Variants in LRRTM4 observed in about 807,000 individuals in gnomAD.
LRRTM4 encodes leucine-rich repeat transmembrane neuronal protein 4.
LRRTM4 carries 25 observed loss-of-function variants against 47.6 expected under a neutral mutation model. The observed-to-expected ratio is 0.53, with a 90% CI of 0.38 to 0.73. The LOEUF (loss-of-function observed/expected upper bound fraction) is 0.73. LRRTM4 is among the 30% of genes least tolerant of loss of function. The pLI is 0.00. For missense variants in LRRTM4, 638 were observed against 713.4 expected (o/e 0.89, Z 1.20); for synonymous variants, 311 against 269.5 (o/e 1.15, Z -1.51).
intron 3 of LRRTM4, among the ~76,000 whole-genome samples, chr2:77,357,052 A>G (rs1671994991): frequency 6.6e-6 from 1 of 152,184 alleles, no homozygotes; most frequent in South Asian, 2.1e-4. Context: ...CCTAGATACT[A>G]TACTTTACAT....
At chr2:77,224,133 G>C (rs1388241786) in intron 3 of LRRTM4, among the ~76,000 whole-genome samples, 1 of 151,502 alleles carries the variant, frequency 6.6e-6, no homozygotes, top group African/African-American at 2.4e-5. Context: ...TTAATAAATG[G>C]TGCTGGGAAA....
At position 77,107,795 on chromosome 2, in the gene LRRTM4, G is replaced by T. The variant is rs190695080; in HGVS notation, c.1552-358879C>A. Among the ~76,000 whole-genome samples, 356 of 123,434 alleles carry T rather than the reference G, an allele frequency of 2.9e-3. 4 individuals carry two copies. Among genetic ancestry groups the T allele is most frequent in the Middle Eastern group, 0.011 (2 of 184 alleles). 81.0% of individuals were successfully genotyped at this position (123,434 alleles called of 152,430 possible). ...ATCACACAGTTGCACTCCAGTCTGG[G>T]CAACAAGAGTGAAAATCCAACTCAA... is the stretch of plus-strand genomic sequence containing the variant. On this transcript the variant is annotated intron_variant, in intron 3 of 3. Coordinates refer to ENST00000409884, the MANE Select transcript of LRRTM4 (RefSeq NM_001134745.3).
chr2:76,811,955 T>C (rs1286003440), intron 3 of LRRTM4, among the ~76,000 whole-genome samples: 1 of 152,232 alleles, frequency 6.6e-6, no homozygotes. Context: ...TTTACTTTTC[T>C]TATGTTAAGC....
chr2:77,137,738 C>G (rs150486197), intron 3 of LRRTM4, among the ~76,000 whole-genome samples: 3 of 152,024 alleles, frequency 2.0e-5, no homozygotes, highest in Non-Finnish European at 4.4e-5. Context: ...CCATGTCACA[C>G]GCAGGGACAC....
At chr2:76,958,936 T>C in intron 3 of LRRTM4, among the ~76,000 whole-genome samples, 1 of 151,662 alleles carries the variant, frequency 6.6e-6, no homozygotes, top group African/African-American at 2.4e-5. Context: ...AAAACGCTTG[T>C]GTAGAGCTTG....
intron 3 of LRRTM4, among the ~76,000 whole-genome samples, chr2:77,327,381 GGGCATAGAGTTCA>G (rs1670816159): frequency 6.6e-6 from 1 of 152,112 alleles, no homozygotes; most frequent in Admixed American, 6.5e-5. Flanking sequence ...CCACTTACGT[GGGCATAGAGTTCA>G]GTTTTTACAG....
chr2:76,898,654 T>C (rs1673507461), intron 3 of LRRTM4, among the ~76,000 whole-genome samples: 4 of 149,516 alleles, frequency 2.7e-5, no homozygotes, highest in Non-Finnish European at 5.9e-5. Context: ...ATTAATGTTT[T>C]TATTTTTCAC....
intron 3 of LRRTM4, among the ~76,000 whole-genome samples, chr2:77,268,206 T>G (rs1441768033): frequency 6.6e-6 from 1 of 152,138 alleles, no homozygotes; most frequent in Non-Finnish European, 1.5e-5. Context: ...CCACTAGACA[T>G]GTGCAGTAAA....
chr2:77,503,730 A>G (rs1180287334), intron 3 of LRRTM4, among the ~76,000 whole-genome samples: 1 of 151,668 alleles, frequency 6.6e-6, no homozygotes, highest in Non-Finnish European at 1.5e-5. Flanking sequence ...TTGAGCTTAC[A>G]AAGATATGGA....
chr2:76,864,216 C>T (rs1276456964), intron 3 of LRRTM4, among the ~76,000 whole-genome samples: 1 of 152,074 alleles, frequency 6.6e-6, no homozygotes, highest in Non-Finnish European at 1.5e-5. Flanking sequence ...GGATTCAGAT[C>T]AAAAGGTAGG....
intron 3 of LRRTM4, among the ~76,000 whole-genome samples, chr2:77,077,710 C>G (rs910121399): frequency 6.6e-6 from 1 of 152,082 alleles, no homozygotes; most frequent in Non-Finnish European, 1.5e-5. Flanking sequence ...ATAACTAGCT[C>G]TAAAACATAG....
intron 3 of LRRTM4, among the ~76,000 whole-genome samples, chr2:77,158,164 G>A (rs141881330): frequency 2.6e-5 from 4 of 152,240 alleles, no homozygotes; most frequent in Admixed American, 6.5e-5. Flanking sequence ...CTTCTCTCTC[G>A]AACTGTGTGG....
chr2:77,143,229 G>T (rs1200244940), intron 3 of LRRTM4, among the ~76,000 whole-genome samples: 6 of 152,102 alleles, frequency 3.9e-5, no homozygotes, highest in Non-Finnish European at 8.8e-5. Flanking sequence ...ATCCAGATTG[G>T]ATAACTTTTA....
At chr2:76,791,402 T>C (rs1674962502) in intron 3 of LRRTM4, among the ~76,000 whole-genome samples, 1 of 152,202 alleles carries the variant, frequency 6.6e-6, no homozygotes, top group African/African-American at 2.4e-5. Context: ...AAAATTAGAA[T>C]GTAAGTTTCA....
chr2:77,010,754 T>A (rs1171910900), intron 3 of LRRTM4, among the ~76,000 whole-genome samples: 1 of 152,128 alleles, frequency 6.6e-6, no homozygotes, highest in Non-Finnish European at 1.5e-5. Flanking sequence ...ACTTAGATGA[T>A]ACTTGGAGAA....
Position 77,371,517 on chromosome 2 carries a change from G to T in LRRTM4, c.1551+146801C>A, listed in dbSNP as rs192691526. On this transcript the variant is annotated intron_variant, in intron 3 of 3. Coordinates refer to ENST00000409884, the MANE Select transcript of LRRTM4 (RefSeq NM_001134745.3). ...CTAGACACTTGTGGCTATCAGGCTTGATTTACCTCAATATTCCACCTCTTT... is the reference window on the plus strand; with the variant it reads ...CTAGACACTTGTGGCTATCAGGCTTTATTTACCTCAATATTCCACCTCTTT... Among the ~76,000 whole-genome samples the T allele has an allele frequency of 7.9e-4, 120 of 151,786 alleles. 1 individual carries two copies. The highest frequency in any genetic ancestry group is 2.7e-3 in the African/African-American group (112 of 41,490).
At chr2:77,058,414 T>C (rs1023434241) in intron 3 of LRRTM4, among the ~76,000 whole-genome samples, 5 of 152,108 alleles carry the variant, frequency 3.3e-5, no homozygotes, top group African/African-American at 1.2e-4. Context: ...AGGGCAGCTG[T>C]TACATAGTCA....
At chr2:76,906,254 T>C (rs1266211546) in intron 3 of LRRTM4, among the ~76,000 whole-genome samples, 2 of 151,910 alleles carry the variant, frequency 1.3e-5, no homozygotes, top group Non-Finnish European at 2.9e-5. Flanking sequence ...CTAAGCTTCA[T>C]AAGTGAAGGA....
chr2:76,956,527 C>T (rs994657393), intron 3 of LRRTM4, among the ~76,000 whole-genome samples: 11 of 151,076 alleles, frequency 7.3e-5, no homozygotes, highest in Non-Finnish European at 7.4e-5. Flanking sequence ...CTCAAATAAA[C>T]TATCTAACTT....
Sources: gnomAD v4.1 joint callset for allele counts (sites outside exome capture counted in the v4.1 genomes callset) on GRCh38, gnomAD v4.1.1 for gene constraint, MANE v1.5 for transcripts, NCBI Gene and HGNC (gene_info 2026-07-23, HGNC 2026-07-21) for gene names.